SEPHS1: variants seen among roughly 807,000 people sequenced by gnomAD.
The protein encoded by SEPHS1 is zincore component SEPHS1.
In SEPHS1, 7 loss-of-function variants were observed where a neutral mutation model predicts 39.2. The observed-to-expected ratio is 0.18, with a 90% confidence interval of 0.10 to 0.34. The LOEUF is 0.34. Ranked by LOEUF, SEPHS1 falls within the 10% of genes least tolerant of loss-of-function variation. The pLI is 1.00. For missense variants in SEPHS1, 253 were observed against 514.5 expected (o/e 0.49, Z 4.92); for synonymous variants, 190 against 195.5 (o/e 0.97, Z 0.23).
intron 6 of SEPHS1, among the ~76,000 whole-genome samples, chr10:13,328,719 C>T (rs991115182): frequency 3.9e-5 from 6 of 152,154 alleles, no homozygotes; most frequent in African/African-American, 1.2e-4. Context: ...GCGGGACACA[C>T]GGCGGCACTG....
At chr10:13,327,715 GCCAAGGAAGT>G (rs1488288895) in intron 7 of SEPHS1, among the ~76,000 whole-genome samples, 1 of 152,192 alleles carries the variant, frequency 6.6e-6, no homozygotes, top group East Asian at 1.9e-4. Flanking sequence ...AGAGGGCTGG[GCCAAGGAAGT>G]CCATAGCAGT....
At chr10:13,347,778 C>G (rs1332347737) in intron 1 of SEPHS1, among the ~76,000 whole-genome samples, 2 of 140,776 alleles carry the variant, frequency 1.4e-5, no homozygotes, top group African/African-American at 5.1e-5. Flanking sequence ...TCCCCGGCCC[C>G]GCGCGGCGGC....
In SEPHS1 at chr10:13,336,888, C is replaced by T. The variant is rs1011753486; in HGVS notation, c.298-538G>A. 2.0e-4 allele frequency among the ~76,000 whole-genome samples: 31 copies of T among 152,306 alleles called. 1 individual carries two copies. The highest frequency in any genetic ancestry group is 1.6e-3 in the Admixed American group (25 of 15,296). On this transcript the variant is annotated intron_variant, in intron 3 of 8. Coordinates refer to ENST00000327347, the MANE Select transcript of SEPHS1 (RefSeq NM_012247.5). Reference sequence around the variant, plus strand: ...AGCTTAGGCTGGGTGTGATAGCTCACGCCTGTAATCCCAGCAATTTGAGAG... The same window carrying T: ...AGCTTAGGCTGGGTGTGATAGCTCATGCCTGTAATCCCAGCAATTTGAGAG...
chr10:13,330,228 G>A (rs879602744), intron 5 of SEPHS1, among the ~76,000 whole-genome samples: 1 of 152,136 alleles, frequency 6.6e-6, no homozygotes, highest in Non-Finnish European at 1.5e-5. Flanking sequence ...AGACCCACTA[G>A]CATTCAAAAG....
intron 1 of SEPHS1, among the ~76,000 whole-genome samples, chr10:13,347,670 C>A (rs1362340114): frequency 6.8e-6 from 1 of 146,860 alleles, no homozygotes; most frequent in African/African-American, 2.5e-5. Context: ...CACGGGCCGC[C>A]GCCGCCGCCG....
intron 8 of SEPHS1, among the ~76,000 whole-genome samples, chr10:13,321,339 T>C (rs980198674): frequency 9.9e-5 from 15 of 151,954 alleles, no homozygotes; most frequent in African/African-American, 3.4e-4. Flanking sequence ...CTGTGCCTCC[T>C]GGGTTCAAGC....
intron 1 of SEPHS1, 55 bp from the exon 2 acceptor site, chr10:13,345,083 C>G: frequency 1.3e-6 from 1 of 776,332 alleles, no homozygotes; most frequent in Non-Finnish European, 1.9e-6. Flanking sequence ...CTGGGACCTG[C>G]CAGCGAATCA....
Position 13,322,950 on chromosome 10 carries a change from C to T in SEPHS1, c.849G>A (p.Arg283=), listed in dbSNP as rs1033954719. The T allele has an allele frequency of 5.0e-6, 8 of 1,614,102 alleles. No homozygotes were observed. The highest frequency in any genetic ancestry group is 1.7e-5 in the Admixed American group (1 of 60,014). ...TGTGAATTACAAACGACACCTCGTT[C>T]CTCTGCTGCTTGGCCAGGTTCTGCG... The part of the protein sequence containing the change: ...GHAQNLAKQQ[R]NEVSFVIHNL... Residue 283 remains arginine, a synonymous_variant, in exon 8 of 9, where the codon AGG becomes AGA. Coordinates refer to ENST00000327347, the MANE Select transcript of SEPHS1 (RefSeq NM_012247.5).
At chr10:13,338,643 C>T (rs1833707965) in intron 3 of SEPHS1, 62 bp downstream of exon 3, 2 of 1,351,648 alleles carry the variant, frequency 1.5e-6, no homozygotes, top group Non-Finnish European at 1.1e-6. Context: ...AAAACCCCAG[C>T]CACAACCCAA....
rs569719500 is a variant in SEPHS1, at chr10:13,326,250, C to T, written c.751+2101G>A. On this transcript the variant is annotated intron_variant, in intron 7 of 8. Coordinates refer to ENST00000327347, the MANE Select transcript of SEPHS1 (RefSeq NM_012247.5). The stretch of plus-strand genomic sequence containing the variant: ...CAGTACTTTGGGAGGCCGAGACAGG[C>T]GGATCACAAGGTCAGGGGTTCAAGA... Among the ~76,000 whole-genome samples the T allele has an allele frequency of 1.4e-4, 22 of 151,978 alleles. No homozygotes were observed. In the East Asian group the frequency reaches 3.1e-3, roughly 21 times the overall value.
intron 2 of SEPHS1, 127 bp downstream of exon 2, chr10:13,344,631 T>G: frequency 1.6e-6 from 1 of 624,052 alleles, no homozygotes; most frequent in Non-Finnish European, 2.6e-6. Context: ...TGCATGTGTA[T>G]TCCTCAAATC....
At position 13,334,312 on chromosome 10, in the gene SEPHS1, G is replaced by A. The variant is rs970488857; in HGVS notation, c.406-341C>T. On this transcript the variant is annotated intron_variant, in intron 4 of 8. Coordinates refer to ENST00000327347, the MANE Select transcript of SEPHS1 (RefSeq NM_012247.5). Reference sequence around the variant, plus strand: ...TCCCAGCACTTTGGGAGGCTGAGGCGGGCAGATCACCTGAGGTCAGGAGTT... The same window carrying A: ...TCCCAGCACTTTGGGAGGCTGAGGCAGGCAGATCACCTGAGGTCAGGAGTT... Among the ~76,000 whole-genome samples the A allele has an allele frequency of 3.9e-5, 6 of 152,084 alleles. No individual in the cohort carries two copies. In the East Asian group the frequency reaches 5.8e-4, roughly 15 times the overall value.
intron 4 of SEPHS1, 72 bp from the exon 5 acceptor site, chr10:13,334,043 C>T (rs1289815426): frequency 1.2e-5 from 16 of 1,320,174 alleles, no homozygotes; most frequent in Non-Finnish European, 1.6e-5. Context: ...GGTTTTTACA[C>T]TTACAGTTAT....
intron 7 of SEPHS1, 138 bp from the exon 8 acceptor site, chr10:13,323,185 A>G (rs1044216780): frequency 2.8e-6 from 2 of 714,438 alleles, no homozygotes; most frequent in Non-Finnish European, 4.7e-6. Context: ...TGTAAAATCA[A>G]CCAAAGACAT....
intron 7 of SEPHS1, among the ~76,000 whole-genome samples, chr10:13,325,885 G>A (rs573985527): frequency 4.8e-5 from 4 of 83,776 alleles, no homozygotes; most frequent in Admixed American, 1.9e-4. Context: ...GCGACAGCGA[G>A]ACTCCGTCTC....
chr10:13,330,503 C>A (rs1323983472), intron 5 of SEPHS1, among the ~76,000 whole-genome samples: 1 of 152,170 alleles, frequency 6.6e-6, no homozygotes, highest in African/African-American at 2.4e-5. Flanking sequence ...CCGAATGAAA[C>A]ATCTACCAGA....
At chr10:13,337,953 C>T (rs1833685928) in intron 3 of SEPHS1, among the ~76,000 whole-genome samples, 1 of 152,226 alleles carries the variant, frequency 6.6e-6, no homozygotes, top group Non-Finnish European at 1.5e-5. Context: ...GTCCTTGCCA[C>T]ACACGAAGAA....
chr10:13,338,903 T>A (rs762726685), intron 2 of SEPHS1, 95 bp from the exon 3 acceptor site: 30 of 915,226 alleles, frequency 3.3e-5, no homozygotes, highest in South Asian at 3.2e-4. Flanking sequence ...GCTCATAAGA[T>A]ACTTATGGAA....
intron 5 of SEPHS1, 112 bp downstream of exon 5, chr10:13,333,705 T>A: frequency 8.9e-7 from 1 of 1,121,036 alleles, no homozygotes; most frequent in East Asian, 2.6e-5. Context: ...CCTACCAAAG[T>A]CTGGGATCAT....
Sources: gnomAD v4.1 joint callset for allele counts (sites outside exome capture counted in the v4.1 genomes callset) on GRCh38, gnomAD v4.1.1 for gene constraint, MANE v1.5 for transcripts, NCBI Gene and HGNC (gene_info 2026-07-23, HGNC 2026-07-21) for gene names.